The following DCDC1 variants were observed in gnomAD, a reference collection of about 807,000 sequenced individuals.
DCDC1 encodes the protein doublecortin domain containing 1.
A neutral mutation model predicts 178.3 loss-of-function variants in DCDC1; 200 were observed. The observed-to-expected ratio is 1.12, with a 90% CI of 1.00 to 1.26. The LOEUF is 1.26. Ranked by LOEUF, DCDC1 falls within the 50% of genes most tolerant of loss-of-function variation. The probability of loss-of-function intolerance (pLI) is 0.00; values close to 1 mark genes in which losing one functional copy is unlikely to be tolerated. For synonymous variants in DCDC1, 690 were observed against 604.8 expected, an observed-to-expected ratio of 1.14 and a Z score of -2.07; for missense variants, 1,983 against 1,749.2, an observed-to-expected ratio of 1.13 and a Z score of -2.38.
rs1348763085 is a variant in DCDC1 at position 30,863,650 on chromosome 11, G to T, written c.*1723C>A. 2 of 152,156 alleles carry T rather than the reference G, an allele frequency of 1.3e-5. No homozygotes were observed. The highest frequency in any genetic ancestry group is 4.8e-5 in the African/African-American group (2 of 41,444). The allele number at this position is 152,156 out of a possible 1,614,324, so 9.4% of individuals were successfully genotyped here. On this transcript the variant is annotated 3_prime_UTR_variant, in exon 39 of 39. Transcript: ENST00000684477. ...ATTGTTTTTGAATAAAACAAAATAA[G>T]ATATTACTACAGAGAAAGTTAGAAT... is the stretch of plus-strand genomic sequence containing the variant.
intron 8 of DCDC1, among the ~76,000 whole-genome samples, chr11:31,251,517 T>G (rs1307764763): frequency 6.6e-6 from 1 of 151,970 alleles, no homozygotes; most frequent in Non-Finnish European, 1.5e-5. Context: ...TAGATTCTAT[T>G]GGATCTCCAG....
chr11:31,207,498 C>G (rs1365942969), intron 9 of DCDC1, among the ~76,000 whole-genome samples: 1 of 152,128 alleles, frequency 6.6e-6, no homozygotes, highest in Non-Finnish European at 1.5e-5. Flanking sequence ...ATCATCTTCT[C>G]TCCGCCCATT....
intron 1 of DCDC1, among the ~76,000 whole-genome samples, chr11:31,362,605 TTGTC>T (rs1951765207): frequency 1.3e-5 from 2 of 152,268 alleles, no homozygotes; most frequent in Non-Finnish European, 2.9e-5. Flanking sequence ...AATCTGTCAT[TTGTC>T]TGTTACTTTA....
At chr11:31,236,608 T>C (rs1976496305) in intron 9 of DCDC1, among the ~76,000 whole-genome samples, 1 of 151,862 alleles carries the variant, frequency 6.6e-6, no homozygotes, top group Non-Finnish European at 1.5e-5. Flanking sequence ...TTAAGGTTCT[T>C]AAAATACTTC....
intron 20 of DCDC1, among the ~76,000 whole-genome samples, chr11:30,989,268 A>T (rs548810271): frequency 3.3e-4 from 50 of 152,292 alleles, no homozygotes; most frequent in African/African-American, 1.1e-3. Flanking sequence ...GAACAGAGAA[A>T]CGACTTTTGT....
chr11:31,236,525 A>G (rs1483779043), intron 9 of DCDC1, among the ~76,000 whole-genome samples: 2 of 152,010 alleles, frequency 1.3e-5, no homozygotes, highest in Non-Finnish European at 2.9e-5. Context: ...TATCAAGACA[A>G]GAATGCAATT....
chr11:31,219,004 T>C (rs1031382216), intron 9 of DCDC1, among the ~76,000 whole-genome samples: 3 of 152,064 alleles, frequency 2.0e-5, no homozygotes, highest in African/African-American at 4.8e-5. Flanking sequence ...GGAGTGATCA[T>C]AGCAAGGACA....
intron 7 of DCDC1, among the ~76,000 whole-genome samples, chr11:31,267,243 T>C (rs1356152985): frequency 6.6e-6 from 1 of 151,962 alleles, no homozygotes; most frequent in Admixed American, 6.6e-5. Context: ...CAGGCTTGAG[T>C]GCAGTGGTAC....
intron 20 of DCDC1, among the ~76,000 whole-genome samples, chr11:30,971,767 G>A (rs899597457): frequency 1.3e-5 from 2 of 151,728 alleles, no homozygotes; most frequent in East Asian, 1.9e-4. Flanking sequence ...CCGCCACCAC[G>A]CCCAGCTAAT....
chr11:31,162,994 T>C (rs1966447774), intron 9 of DCDC1, among the ~76,000 whole-genome samples: 1 of 152,192 alleles, frequency 6.6e-6, no homozygotes, highest in South Asian at 2.1e-4. Context: ...TAATTACAAT[T>C]TGCTGAAGCT....
chr11:30,882,411 G>A (rs896446348), intron 36 of DCDC1: 3 of 151,732 alleles, frequency 2.0e-5, no homozygotes, highest in African/African-American at 7.3e-5. Flanking sequence ...GGACCAACAG[G>A]AGAGTAGTCT....
intron 21 of DCDC1, among the ~76,000 whole-genome samples, chr11:30,933,261 T>C (rs974583768): frequency 2.6e-5 from 4 of 152,088 alleles, no homozygotes; most frequent in Non-Finnish European, 4.4e-5. Flanking sequence ...CCTTTGTTAA[T>C]TCATATACAT....
chr11:31,302,390 G>C (rs1350976883), intron 6 of DCDC1, among the ~76,000 whole-genome samples: 1 of 152,088 alleles, frequency 6.6e-6, no homozygotes, highest in Non-Finnish European at 1.5e-5. Context: ...CCATGAATCA[G>C]AAAACTTAAT....
intron 9 of DCDC1, among the ~76,000 whole-genome samples, chr11:31,230,473 C>T (rs1378648935): frequency 1.3e-5 from 2 of 152,108 alleles, no homozygotes; most frequent in South Asian, 2.1e-4. Flanking sequence ...TGGAAAAATG[C>T]GGTACTAACT....
chr11:31,148,117 T>C (rs1964650634), intron 9 of DCDC1, among the ~76,000 whole-genome samples: 1 of 147,762 alleles, frequency 6.8e-6, no homozygotes, highest in Admixed American at 6.9e-5. Flanking sequence ...TGGCAGAATA[T>C]CTAAGCAAAA....
At chr11:31,230,702 C>T (rs916751252) in intron 9 of DCDC1, among the ~76,000 whole-genome samples, 2 of 152,138 alleles carry the variant, frequency 1.3e-5, no homozygotes, top group African/African-American at 4.8e-5. Flanking sequence ...AACTGGGTAA[C>T]CTTTACTTAG....
intron 23 of DCDC1, among the ~76,000 whole-genome samples, chr11:30,924,488 C>T (rs1426890312): frequency 6.6e-6 from 1 of 152,124 alleles, no homozygotes; most frequent in East Asian, 1.9e-4. Flanking sequence ...CAAACCAATG[C>T]CTCAAATTCT....
chr11:31,057,988 T>C (rs1955698540), intron 20 of DCDC1, among the ~76,000 whole-genome samples: 1 of 152,122 alleles, frequency 6.6e-6, no homozygotes, highest in Admixed American at 6.6e-5. Flanking sequence ...GGGACAGCTC[T>C]GTGAGGCCAG....
rs538165845 is a variant in DCDC1, at chr11:31,286,204, C to G, written c.960+4443G>C. On this transcript the variant is annotated intron_variant, in intron 7 of 38. Transcript: ENST00000684477. ...TAACTCAATAGGCTTTAAGTGGGGC[C>G]TAGAGTCTGATTTTTTAACAGAAAG... 1.3e-4 allele frequency among the ~76,000 whole-genome samples: 10 copies of G among 75,414 alleles called. No individual in the cohort carries two copies. The South Asian group carries it at 3.2e-3, about 24-fold the overall frequency. 49.5% of individuals were successfully genotyped at this position (75,414 alleles called of 152,430 possible).
Sources: allele counts gnomAD v4.1 joint callset (sites outside exome capture counted in the v4.1 genomes callset), GRCh38; gene constraint gnomAD v4.1.1; transcripts MANE v1.5; gene names NCBI Gene and HGNC (gene_info 2026-07-23, HGNC 2026-07-21).